Variants in ZBTB8A observed in about 807,000 individuals in gnomAD.
The protein encoded by ZBTB8A is zinc finger and BTB domain containing 8A, also known as zinc finger and BTB domain-containing protein 8A.
In ZBTB8A, 19 loss-of-function variants were observed where a neutral mutation model predicts 37.8. The observed-to-expected ratio is 0.50, with a 90% CI of 0.35 to 0.74. ZBTB8A has a LOEUF of 0.74. Among genes scored for constraint, ZBTB8A ranks in the 30% least tolerant of loss-of-function variants. The pLI is 0.01. For synonymous variants in ZBTB8A, 181 were observed against 185.2 expected (o/e 0.98, Z 0.19); for missense variants, 394 against 537.8 (o/e 0.73, Z 2.65).
intron 2 of ZBTB8A, among the ~76,000 whole-genome samples, chr1:32,557,449 A>G (rs943969281): frequency 2.0e-5 from 3 of 152,220 alleles, no homozygotes; most frequent in Non-Finnish European, 4.4e-5. Flanking sequence ...ATTTAAATAA[A>G]CATTAAATAA....
chr1:32,599,311 G>A (rs1037752222), intron 4 of ZBTB8A, among the ~76,000 whole-genome samples: 7 of 151,316 alleles, frequency 4.6e-5, no homozygotes, highest in Non-Finnish European at 1.0e-4. Context: ...TGTAGTCCCA[G>A]CTCCTCGGTA....
intron 1 of ZBTB8A, 137 bp downstream of exon 1, chr1:32,539,709 CAGA>C (rs1158919081): frequency 0.031 from 21 of 678 alleles, no homozygotes; most frequent in African/African-American, 0.037. Context: ...GCGCCTCCCC[CAGA>C]CGTCCCCGGG....
chr1:32,584,064 G>A (rs896215357), intron 2 of ZBTB8A, among the ~76,000 whole-genome samples: 2 of 152,016 alleles, frequency 1.3e-5, no homozygotes, highest in African/African-American at 2.4e-5. Context: ...GACCAAGGAG[G>A]AGAGAATACT....
At chr1:32,562,659 C>T (rs1043493161) in intron 2 of ZBTB8A, among the ~76,000 whole-genome samples, 1 of 146,622 alleles carries the variant, frequency 6.8e-6, no homozygotes, top group Admixed American at 6.9e-5. Context: ...TCACTGCAAT[C>T]TCCACCTCGC....
At position 32,579,167 on chromosome 1, in the gene ZBTB8A, A is replaced by G. The variant is rs191927227; in HGVS notation, c.-1-13764A>G. Among the ~76,000 whole-genome samples, 105 of 152,144 alleles carry G rather than the reference A, an allele frequency of 6.9e-4. 1 individual carries two copies. Among genetic ancestry groups the G allele is most frequent in the African/African-American group, 2.1e-3 (88 of 41,534 alleles). On this transcript the variant is annotated intron_variant, in intron 2 of 4. Transcript: ENST00000373510. ...TCTGGCTGGTCAAAACTTAAATATC[A>G]GCCAGGCGCACTGGCTCACACCTAA...
chr1:32,581,023 C>T (rs955562486), intron 2 of ZBTB8A, among the ~76,000 whole-genome samples: 2 of 142,992 alleles, frequency 1.4e-5, no homozygotes, highest in African/African-American at 2.6e-5. Flanking sequence ...ACTGTTACCT[C>T]TTAATACTGT....
At chr1:32,580,826 A>G (rs895261670) in intron 2 of ZBTB8A, among the ~76,000 whole-genome samples, 7 of 151,988 alleles carry the variant, frequency 4.6e-5, no homozygotes, top group Admixed American at 2.0e-4. Flanking sequence ...GGCAAGGATC[A>G]TCGGATGGTG....
Position 32,593,238 on chromosome 1 carries a change from A to G in ZBTB8A, c.307A>G (p.Ser103Gly). The G allele has an allele frequency of 6.2e-7, 1 of 1,614,174 alleles. No homozygotes were observed. Among genetic ancestry groups the G allele is most frequent in the Non-Finnish European group, 8.5e-7 (1 of 1,180,034 alleles). ...TGTCATAGAAGTGATGTCGGCTGCTAGCTTCCTTCAGATGACTGATGTCAT... is the reference window on the plus strand; with the variant it reads ...TGTCATAGAAGTGATGTCGGCTGCTGGCTTCCTTCAGATGACTGATGTCAT... ...QNVIEVMSAA[S>G]FLQMTDVISV... Residue 103 changes from serine (S) to glycine (G), a missense_variant, in exon 3 of 5, where the codon AGC (serine) becomes GGC (glycine). By Grantham distance (56) the Ser-to-Gly change is moderately conservative (BLOSUM62 0). Coordinates refer to ENST00000373510, the MANE Select transcript of ZBTB8A (RefSeq NM_001040441.3).
intron 1 of ZBTB8A, among the ~76,000 whole-genome samples, chr1:32,548,447 G>A (rs868847026): frequency 1.3e-5 from 2 of 152,070 alleles, no homozygotes; most frequent in African/African-American, 4.8e-5. Flanking sequence ...CGATTCTCCC[G>A]TCTCAGCCTC....
At chr1:32,581,472 C>T (rs1644406574) in intron 2 of ZBTB8A, among the ~76,000 whole-genome samples, 1 of 150,410 alleles carries the variant, frequency 6.6e-6, no homozygotes, top group Non-Finnish European at 1.5e-5. Flanking sequence ...CTGCCTCAGC[C>T]TCCCAAGTAG....
chr1:32,594,606 C>A (rs1326751723), intron 3 of ZBTB8A, among the ~76,000 whole-genome samples: 1 of 151,926 alleles, frequency 6.6e-6, no homozygotes, highest in African/African-American at 2.4e-5. Flanking sequence ...ACGAAAAATA[C>A]AAAAATTAGC....
chr1:32,572,248 T>C (rs1644327980), intron 2 of ZBTB8A, among the ~76,000 whole-genome samples: 1 of 152,164 alleles, frequency 6.6e-6, no homozygotes, highest in African/African-American at 2.4e-5. Context: ...TTCTTAAATG[T>C]TTGATAGAAT....
intron 1 of ZBTB8A, among the ~76,000 whole-genome samples, chr1:32,551,718 TAA>T (rs775307029): frequency 7.9e-5 from 12 of 151,950 alleles, no homozygotes; most frequent in Admixed American, 2.0e-4. Flanking sequence ...TAAAAAAAAA[TAA>T]AAAGTTATTT....
At chr1:32,567,299 T>C (rs906915361) in intron 2 of ZBTB8A, among the ~76,000 whole-genome samples, 3 of 152,146 alleles carry the variant, frequency 2.0e-5, no homozygotes, top group African/African-American at 7.2e-5. Context: ...TCCGCCCGCA[T>C]GATCCAGTCA....
rs555834733 is a variant in ZBTB8A, at chr1:32,555,019, G to A, written c.-2+1479G>A. On this transcript the variant is annotated intron_variant, in intron 2 of 4. Transcript: ENST00000373510. ...GTGGTAGAACCAGTGTCAGAATTCTGACCTCCCACAGCTGCATCGTGCAGC... is the reference window on the plus strand; with the variant it reads ...GTGGTAGAACCAGTGTCAGAATTCTAACCTCCCACAGCTGCATCGTGCAGC... Among the ~76,000 whole-genome samples, 5 of 152,240 alleles carry A rather than the reference G, an allele frequency of 3.3e-5. No homozygotes were observed. The East Asian group carries it at 7.7e-4, about 24-fold the overall frequency.
At chr1:32,559,016 G>T (rs529589271) in intron 2 of ZBTB8A, among the ~76,000 whole-genome samples, 14 of 152,236 alleles carry the variant, frequency 9.2e-5, no homozygotes, top group Non-Finnish European at 1.9e-4. Flanking sequence ...CAGAGCCGGG[G>T]TTTAGATTCA....
intron 2 of ZBTB8A, among the ~76,000 whole-genome samples, chr1:32,568,034 A>G (rs1373068404): frequency 6.6e-6 from 1 of 151,090 alleles, no homozygotes; most frequent in Non-Finnish European, 1.5e-5. Flanking sequence ...CCCAGCTATT[A>G]GGGAGGCTGA....
In ZBTB8A at chr1:32,578,950, C is replaced by T. The variant is rs148372235; in HGVS notation, c.-1-13981C>T. Among the ~76,000 whole-genome samples, 122 of 152,124 alleles carry T rather than the reference C, an allele frequency of 8.0e-4. 1 individual carries two copies. The highest frequency in any genetic ancestry group is 6.2e-3 in the Admixed American group (95 of 15,248). On this transcript the variant is annotated intron_variant, in intron 2 of 4. Coordinates refer to ENST00000373510, the MANE Select transcript of ZBTB8A (RefSeq NM_001040441.3). ...TGAGTGTCTGAATTTTGTTGTCTGT[C>T]TTTAATTGAATTTTGGTTTACTTGT...
At chr1:32,546,936 C>A (rs1644109395) in intron 1 of ZBTB8A, among the ~76,000 whole-genome samples, 1 of 152,098 alleles carries the variant, frequency 6.6e-6, no homozygotes, top group African/African-American at 2.4e-5. Context: ...GGGTCTTGCC[C>A]TGTTGCCCAG....
Sources: gnomAD v4.1 joint callset for allele counts (sites outside exome capture counted in the v4.1 genomes callset) on GRCh38, gnomAD v4.1.1 for gene constraint, MANE v1.5 for transcripts, NCBI Gene and HGNC (gene_info 2026-07-23, HGNC 2026-07-21) for gene names.